FBXO45: variants seen among roughly 807,000 people sequenced by gnomAD.
FBXO45 encodes F-box protein 45, also known as F-box/SPRY domain-containing protein 1.
In FBXO45, 3 loss-of-function variants were observed where a neutral mutation model predicts 25.5. The ratio of observed to expected loss-of-function variants is 0.12; its 90% confidence interval spans 0.05 to 0.30. The LOEUF is 0.30. Ranked by LOEUF, FBXO45 falls within the 10% of genes least tolerant of loss-of-function variation. FBXO45 has a pLI of 1.00. For missense variants in FBXO45, 219 were observed against 365.0 expected, an observed-to-expected ratio of 0.60 and a Z score of 3.26; for synonymous variants, 155 against 149.8, an observed-to-expected ratio of 1.03 and a Z score of -0.25.
At chr3:196,578,228 G>C (rs1484041409) in intron 2 of FBXO45, among the ~76,000 whole-genome samples, 1 of 151,590 alleles carries the variant, frequency 6.6e-6, no homozygotes, top group East Asian at 1.9e-4. Flanking sequence ...GTAGAGACAG[G>C]GTTTCACCAT....
chr3:196,577,549 C>T lies in FBXO45; in HGVS notation c.415C>T (p.Gln139Ter). The change falls in exon 2 of 3, where the codon CAG becomes TAG. Residue 139 changes from glutamine to a stop codon, truncating the protein, a stop_gained. Coordinates refer to ENST00000311630, the MANE Select transcript of FBXO45 (RefSeq NM_001105573.2). LOFTEE classifies it high-confidence loss of function. ...TACTTTACATCGAAACCCCATTGCTCAGAGCACTGATGGTGCAAGGACCAA... is the reference window on the plus strand; with the variant it reads ...TACTTTACATCGAAACCCCATTGCTTAGAGCACTGATGGTGCAAGGACCAA... Reference protein sequence around the residue: ...GFTLHRNPIAQSTDGARTKIG... With the variant: ...GFTLHRNPIA 1.2e-6 allele frequency: 2 copies of T among 1,614,010 alleles called. No individual in the cohort carries two copies. Among genetic ancestry groups the T allele is most frequent in the Non-Finnish European group, 1.7e-6 (2 of 1,179,888 alleles).
rs1560320981 is a variant in FBXO45, at chr3:196,586,442, A to G, written c.*2124A>G. On this transcript the variant is annotated 3_prime_UTR_variant, in exon 3 of 3. Coordinates refer to ENST00000311630, the MANE Select transcript of FBXO45 (RefSeq NM_001105573.2). ...TTTAACAACAAGCCATTCTTATCTC[A>G]AAGATTTAAATTCCCGAATGTCCCA... 6.6e-6 allele frequency: 1 copy of G among 152,236 alleles called. No individual in the cohort carries two copies. The highest frequency in any genetic ancestry group is 1.5e-5 in the Non-Finnish European group (1 of 68,046). The allele number at this position is 152,236 out of a possible 1,614,324, so 9.4% of individuals were successfully genotyped here. A position where few individuals can be genotyped will look rare whatever the true frequency, so the allele number is the denominator to read the frequency against.
rs866257169 is a variant in FBXO45, at chr3:196,588,632, G to C, written c.*4314G>C. 2.0e-5 allele frequency: 3 copies of C among 152,054 alleles called. No homozygotes were observed. Among genetic ancestry groups the C allele is most frequent in the African/African-American group, 7.2e-5 (3 of 41,394 alleles). 9.4% of individuals were successfully genotyped at this position (152,054 alleles called of 1,614,324 possible). ...TATACCTTGTTTAAAATTATTTATTGATTATTTATTGGTGTCATATCGCCC... is the reference window on the plus strand; with the variant it reads ...TATACCTTGTTTAAAATTATTTATTCATTATTTATTGGTGTCATATCGCCC... On this transcript the variant is annotated 3_prime_UTR_variant, in exon 3 of 3. Transcript: ENST00000311630. The surrounding 1 kb of genome is among the most constrained non-coding windows in gnomAD (Gnocchi z 4.2).
intron 1 of FBXO45, among the ~76,000 whole-genome samples, chr3:196,575,070 G>A (rs1259219860): frequency 6.6e-6 from 1 of 152,182 alleles, no homozygotes; most frequent in Admixed American, 6.5e-5. Flanking sequence ...GACTGAGTTT[G>A]GAGAATTTGG....
intron 1 of FBXO45, among the ~76,000 whole-genome samples, chr3:196,575,861 A>G (rs189846848): frequency 3.0e-4 from 46 of 152,128 alleles, no homozygotes; most frequent in African/African-American, 9.2e-4. Context: ...TATTTTTACT[A>G]GAGTTGGGGT....
At chr3:196,570,206 T>A (rs976206888) in intron 1 of FBXO45, among the ~76,000 whole-genome samples, 6 of 152,116 alleles carry the variant, frequency 3.9e-5, no homozygotes, top group Non-Finnish European at 8.8e-5. Context: ...AGATAAAGTC[T>A]GATTGCAATG....
chr3:196,579,761 GTCTT>G (rs764464370), intron 2 of FBXO45, among the ~76,000 whole-genome samples: 17 of 152,172 alleles, frequency 1.1e-4, no homozygotes, highest in Non-Finnish European at 2.2e-4. Context: ...TTGCTAATTT[GTCTT>G]TCTTCTTTTA....
intron 2 of FBXO45, among the ~76,000 whole-genome samples, chr3:196,581,343 G>T (rs1257476183): frequency 1.5e-5 from 2 of 132,510 alleles, no homozygotes; most frequent in Admixed American, 9.2e-5. Flanking sequence ...TGATTCTTCT[G>T]CCTCAGCCTC....
At chr3:196,578,043 A>ATTTTTTTT (rs1196867210) in intron 2 of FBXO45, among the ~76,000 whole-genome samples, 6 of 25,190 alleles carry the variant, frequency 2.4e-4, no homozygotes, top group East Asian at 2.5e-3. Context: ...GCAGAAAAAT[A>ATTTTTTTT]TTCTTTTTTT....
chr3:196,579,825 G>T (rs1172250771), intron 2 of FBXO45, among the ~76,000 whole-genome samples: 1 of 152,082 alleles, frequency 6.6e-6, no homozygotes, highest in Non-Finnish European at 1.5e-5. Context: ...TACTACTGGT[G>T]CATATACATT....
intron 2 of FBXO45, among the ~76,000 whole-genome samples, chr3:196,582,030 G>A (rs1351258071): frequency 2.0e-5 from 3 of 152,102 alleles, no homozygotes; most frequent in African/African-American, 7.2e-5. Flanking sequence ...TCAGATTTTG[G>A]GGTTCATCCT....
intron 1 of FBXO45, among the ~76,000 whole-genome samples, chr3:196,574,514 C>G (rs1735880293): frequency 2.0e-5 from 3 of 152,170 alleles, no homozygotes. Flanking sequence ...TCCCCAACCT[C>G]CCACCTTATT....
chr3:196,572,830 A>G (rs80101832), intron 1 of FBXO45, among the ~76,000 whole-genome samples: 36,249 of 152,156 alleles, frequency 0.24, 4,893 homozygotes, highest in Non-Finnish European at 0.3. Context: ...TAAAATCTAT[A>G]GAATTGGCAA....
At position 196,586,189 on chromosome 3, in the gene FBXO45, T is replaced by C. The variant is rs1273076088; in HGVS notation, c.*1871T>C. On this transcript the variant is annotated 3_prime_UTR_variant, in exon 3 of 3. Coordinates refer to ENST00000311630, the MANE Select transcript of FBXO45 (RefSeq NM_001105573.2). Reference sequence around the variant, plus strand: ...AAATTTGATTAAACAAGAGAAGTGGTTCAGGTTGAAGATGGACTTGTTAGG... The same window carrying C: ...AAATTTGATTAAACAAGAGAAGTGGCTCAGGTTGAAGATGGACTTGTTAGG... The C allele has an allele frequency of 6.6e-6, 1 of 152,190 alleles. No homozygotes were observed. The highest frequency in any genetic ancestry group is 1.5e-5 in the Non-Finnish European group (1 of 68,032). 9.4% of individuals were successfully genotyped at this position (152,190 alleles called of 1,614,324 possible). A position where few individuals can be genotyped will look rare whatever the true frequency, so the allele number is the denominator to read the frequency against.
intron 1 of FBXO45, among the ~76,000 whole-genome samples, chr3:196,576,293 C>T (rs1160175409): frequency 6.6e-6 from 1 of 152,146 alleles, no homozygotes; most frequent in Non-Finnish European, 1.5e-5. Context: ...CATTCTATGC[C>T]TCTGGAGTTG....
chr3:196,581,656 C>T (rs1030145659), intron 2 of FBXO45, among the ~76,000 whole-genome samples: 1 of 152,130 alleles, frequency 6.6e-6, no homozygotes, highest in Non-Finnish European at 1.5e-5. Context: ...CCAAATCCAA[C>T]ACTTAGGACC....
chr3:196,571,187 A>G (rs1452921888), intron 1 of FBXO45, among the ~76,000 whole-genome samples: 2 of 152,096 alleles, frequency 1.3e-5, no homozygotes, highest in African/African-American at 4.8e-5. Flanking sequence ...ATTTTTCTGT[A>G]AAGTTTATTG....
At chr3:196,581,524 C>T (rs1365103683) in intron 2 of FBXO45, among the ~76,000 whole-genome samples, 1 of 152,086 alleles carries the variant, frequency 6.6e-6, no homozygotes, top group African/African-American at 2.4e-5. Flanking sequence ...CGTGAGCCAC[C>T]ACACTGGGCC....
chr3:196,572,171 A>AAC (rs1191280152), intron 1 of FBXO45, among the ~76,000 whole-genome samples: 9 of 152,202 alleles, frequency 5.9e-5, no homozygotes, highest in Non-Finnish European at 1.2e-4. Flanking sequence ...GAGGAAAGTA[A>AAC]AGGGTTTGTA....
Sources: allele counts gnomAD v4.1 joint callset (sites outside exome capture counted in the v4.1 genomes callset), GRCh38; gene constraint gnomAD v4.1.1; non-coding constraint Gnocchi (gnomAD v3.1); transcripts MANE v1.5; gene names NCBI Gene and HGNC (gene_info 2026-07-23, HGNC 2026-07-21).